The following ARB2A variants were observed in gnomAD, a reference collection of about 807,000 sequenced individuals.
The protein encoded by ARB2A is cotranscriptional regulator ARB2A.
the ARB2A span, chr5:93,740,426 A>AC: frequency 1.3e-6 from 1 of 790,362 alleles, no homozygotes; most frequent in Non-Finnish European, 1.9e-6. Flanking sequence ...AACAATTCCC[A>AC]CCCCCATTCC....
chr5:94,048,803 T>C, the ARB2A span, among the ~76,000 whole-genome samples: 1 of 152,162 alleles, frequency 6.6e-6, no homozygotes, highest in Non-Finnish European at 1.5e-5. Flanking sequence ...AATCTGCCCA[T>C]TGCCTTGGAG....
At chr5:93,846,405 G>C in the ARB2A span, among the ~76,000 whole-genome samples, 5 of 152,126 alleles carry the variant, frequency 3.3e-5, no homozygotes, top group East Asian at 9.7e-4. Flanking sequence ...GGGAGGCTGA[G>C]GTGGGAGAAT....
At chr5:93,897,973 T>C in the ARB2A span, among the ~76,000 whole-genome samples, 1 of 151,948 alleles carries the variant, frequency 6.6e-6, no homozygotes, top group African/African-American at 2.4e-5. Flanking sequence ...TCCATTGCTG[T>C]ACCATGTTCC....
At chr5:94,085,482 G>A in the ARB2A span, among the ~76,000 whole-genome samples, 1 of 152,208 alleles carries the variant, frequency 6.6e-6, no homozygotes, top group South Asian at 2.1e-4. Flanking sequence ...GGTACTGATT[G>A]TTGTTACGGG....
the ARB2A span, among the ~76,000 whole-genome samples, chr5:93,699,350 G>A: frequency 1.6e-3 from 237 of 152,210 alleles, 1 homozygote; most frequent in African/African-American, 5.2e-3. Context: ...AGTTTGGTTC[G>A]CAAAAAAGTT....
At chr5:93,755,315 T>C in the ARB2A span, among the ~76,000 whole-genome samples, 1 of 152,224 alleles carries the variant, frequency 6.6e-6, no homozygotes, top group Non-Finnish European at 1.5e-5. Flanking sequence ...TGTCCTTAAC[T>C]GGCCAATTTT....
chr5:93,706,228 A>G, the ARB2A span, among the ~76,000 whole-genome samples: 1 of 152,254 alleles, frequency 6.6e-6, no homozygotes, highest in African/African-American at 2.4e-5. Flanking sequence ...AGTAATAAAG[A>G]ATTGATACAT....
At chr5:93,785,264 C>T in the ARB2A span, among the ~76,000 whole-genome samples, 2 of 152,136 alleles carry the variant, frequency 1.3e-5, no homozygotes, top group East Asian at 1.9e-4. Context: ...ATCTACTACA[C>T]TAGTGGCCCT....
chr5:93,627,438 GT>G, the ARB2A span, among the ~76,000 whole-genome samples: 118 of 108,084 alleles, frequency 1.1e-3, 1 homozygote, highest in Non-Finnish European at 1.3e-3. Context: ...TACAAAATGT[GT>G]TTTGTTTTTT....
chr5:93,900,180 A>C, the ARB2A span, among the ~76,000 whole-genome samples: 1 of 152,208 alleles, frequency 6.6e-6, no homozygotes, highest in African/African-American at 2.4e-5. Flanking sequence ...TTTTTCAAAG[A>C]GTATTATTTT....
chr5:93,931,037 C>T, the ARB2A span, among the ~76,000 whole-genome samples: 2 of 152,248 alleles, frequency 1.3e-5, no homozygotes, highest in African/African-American at 4.8e-5. Context: ...TCCCTGTGTC[C>T]ATGTGTTCTC....
the ARB2A span, chr5:94,074,862 CTA>C: frequency 1.3e-6 from 1 of 751,852 alleles, no homozygotes; most frequent in Non-Finnish European, 2.1e-6. Context: ...ATTAATCTCT[CTA>C]TGCTAATTTC....
At chr5:93,621,095 G>A in the ARB2A span, 15 of 1,612,112 alleles carry the variant, frequency 9.3e-6, no homozygotes, top group East Asian at 4.5e-5. Flanking sequence ...TAGACGGAAA[G>A]CTCTTCCAGG....
the ARB2A span, among the ~76,000 whole-genome samples, chr5:93,771,782 C>CA: frequency 6.6e-6 from 1 of 152,094 alleles, no homozygotes; most frequent in South Asian, 2.1e-4. Flanking sequence ...GTTAGAATGG[C>CA]AATCATTAAA....
the ARB2A span, among the ~76,000 whole-genome samples, chr5:93,803,573 G>A: frequency 6.6e-6 from 1 of 151,586 alleles, no homozygotes; most frequent in Non-Finnish European, 1.5e-5. Context: ...GGTGGAGGGT[G>A]GGAGGAGGGA....
the ARB2A span, among the ~76,000 whole-genome samples, chr5:93,883,634 G>A: frequency 6.6e-6 from 1 of 151,362 alleles, no homozygotes; most frequent in Non-Finnish European, 1.5e-5. Context: ...TCTTCCTTGT[G>A]CCTCTTACAA....
the ARB2A span, among the ~76,000 whole-genome samples, chr5:93,754,231 G>A: frequency 6.6e-6 from 1 of 152,126 alleles, no homozygotes; most frequent in Admixed American, 6.5e-5. Flanking sequence ...CCTACATGGA[G>A]CTCACATTCT....
At chr5:93,626,125 T>A in the ARB2A span, among the ~76,000 whole-genome samples, 1 of 152,246 alleles carries the variant, frequency 6.6e-6, no homozygotes, top group South Asian at 2.1e-4. Flanking sequence ...TGTCATTTTA[T>A]GCAGTAGATG....
the ARB2A span, among the ~76,000 whole-genome samples, chr5:93,912,740 T>A: frequency 2.0e-5 from 3 of 151,858 alleles, no homozygotes; most frequent in Non-Finnish European, 4.4e-5. Flanking sequence ...TACTTTCAAG[T>A]GCCTCACAAG....
Sources: gnomAD v4.1 joint callset for allele counts (sites outside exome capture counted in the v4.1 genomes callset) on GRCh38, gnomAD v4.1.1 for gene constraint, MANE v1.5 for transcripts, NCBI Gene and HGNC (gene_info 2026-07-23, HGNC 2026-07-21) for gene names.